DCX: variants seen among roughly 807,000 people sequenced by gnomAD.
The protein encoded by DCX is neuronal migration protein doublecortin.
A neutral mutation model predicts 20.9 loss-of-function variants in DCX; 4 were observed. The ratio of observed to expected loss-of-function variants is 0.19; its 90% CI spans 0.09 to 0.44. The LOEUF is 0.44. Ranked by LOEUF, DCX falls within the 20% of genes least tolerant of loss-of-function variation. The pLI, the probability that DCX is intolerant of heterozygous loss-of-function variation, is 0.99. For synonymous variants in DCX, 103 were observed against 111.4 expected (o/e 0.92, Z 0.47); for missense variants, 133 against 296.9 (o/e 0.45, Z 4.06).
intron 3 of DCX, among the ~76,000 whole-genome samples, chrX:111,393,231 A>G: frequency 9.0e-6 from 1 of 111,492 alleles, no homozygotes; most frequent in East Asian, 2.8e-4. Context: ...AAACTGTCTT[A>G]TCTTTTCTTT....
chrX:111,351,265 T>C (rs1239238433), intron 3 of DCX, among the ~76,000 whole-genome samples: 1 of 112,125 alleles, frequency 8.9e-6, no homozygotes, highest in East Asian at 2.8e-4. Context: ...AGATTCCCTA[T>C]CCTGTCTCCC....
intron 3 of DCX, among the ~76,000 whole-genome samples, chrX:111,341,463 C>G (rs1359165119): frequency 1.8e-5 from 2 of 111,245 alleles, no homozygotes; most frequent in Non-Finnish European, 3.8e-5. Flanking sequence ...AGGGTATTAT[C>G]CAGGAGAACT....
intron 6 of DCX, among the ~76,000 whole-genome samples, chrX:111,310,360 T>TA (rs2095054897): frequency 9.1e-6 from 1 of 110,372 alleles, no homozygotes; most frequent in Non-Finnish European, 1.9e-5. Flanking sequence ...ATAAATAAAA[T>TA]AAATAAAAGA....
chrX:111,316,092 A>ATAAATAAATT (rs1556369834), intron 5 of DCX, among the ~76,000 whole-genome samples: 17 of 96,355 alleles, frequency 1.8e-4, no homozygotes, highest in African/African-American at 7.1e-4. Context: ...AAAATAAAAA[A>ATAAATAAATT]AAAAAAAAAA....
chrX:111,398,370 C>A (rs1279664736), intron 3 of DCX, among the ~76,000 whole-genome samples: 1 of 109,444 alleles, frequency 9.1e-6, no homozygotes, highest in East Asian at 2.9e-4. Flanking sequence ...GTTTGGATTG[C>A]TTTTACCCTC....
At chrX:111,309,416 A>G (rs2095052628) in intron 6 of DCX, among the ~76,000 whole-genome samples, 1 of 112,177 alleles carries the variant, frequency 8.9e-6, no homozygotes, top group South Asian at 3.7e-4. Context: ...CTGCCCAGAG[A>G]CTTGATGGTG....
intron 3 of DCX, among the ~76,000 whole-genome samples, chrX:111,348,233 A>G (rs116778565): frequency 0.06 from 6,731 of 111,960 alleles, 504 homozygotes; most frequent in African/African-American, 0.21. Flanking sequence ...GGGGAGACCC[A>G]GGTAAGGAAA....
At chrX:111,388,706 G>A (rs1018764423) in intron 3 of DCX, among the ~76,000 whole-genome samples, 2 of 112,034 alleles carry the variant, frequency 1.8e-5, no homozygotes, top group Non-Finnish European at 3.8e-5. Flanking sequence ...TGAGAAATGT[G>A]CTCTAAATTG....
chrX:111,387,724 A>G (rs939041813), intron 3 of DCX, among the ~76,000 whole-genome samples: 4 of 111,875 alleles, frequency 3.6e-5, no homozygotes, highest in Non-Finnish European at 5.6e-5. Context: ...ATACGACTTC[A>G]TCAGATGAGA....
chrX:111,338,152 A>T (rs1233947473), intron 3 of DCX, among the ~76,000 whole-genome samples: 1 of 112,194 alleles, frequency 8.9e-6, no homozygotes, highest in Non-Finnish European at 1.9e-5. Flanking sequence ...GACTACAGTA[A>T]GGCATTCTGA....
At chrX:111,342,706 A>C (rs1316838356) in intron 3 of DCX, among the ~76,000 whole-genome samples, 1 of 110,119 alleles carries the variant, frequency 9.1e-6, no homozygotes, top group East Asian at 2.9e-4. Context: ...CTGAAATCCT[A>C]ACAAACGGTC....
intron 3 of DCX, among the ~76,000 whole-genome samples, chrX:111,347,306 G>T (rs1404841292): frequency 3.6e-5 from 4 of 111,095 alleles, no homozygotes; most frequent in Non-Finnish European, 7.6e-5. Context: ...TGATCTTTTT[G>T]TTTTCTGATT....
intron 3 of DCX, among the ~76,000 whole-genome samples, chrX:111,378,177 T>C (rs1199961750): frequency 8.9e-6 from 1 of 112,070 alleles, no homozygotes; most frequent in South Asian, 3.7e-4. Context: ...ATAAAAGGTT[T>C]AATGTAATTG....
At chrX:111,404,887 G>C (rs888220247) in intron 2 of DCX, among the ~76,000 whole-genome samples, 2 of 112,363 alleles carry the variant, frequency 1.8e-5, no homozygotes, top group Non-Finnish European at 3.8e-5. Context: ...CCTGCTGCCT[G>C]GCACTTGGAG....
chrX:111,402,782 G>GGTGTGT (rs200058275), intron 2 of DCX, among the ~76,000 whole-genome samples: 2 of 96,844 alleles, frequency 2.1e-5, no homozygotes, highest in African/African-American at 7.8e-5. Context: ...GTGTGTGCGT[G>GGTGTGT]GTGTGTGTGT....
rs187799956 is a variant in DCX at position 111,308,896 on chromosome X, T to C, written c.1044+3743A>G. 3.6e-3 allele frequency among the ~76,000 whole-genome samples: 388 copies of C among 109,011 alleles called. 3 individuals carry two copies. Among genetic ancestry groups the C allele is most frequent in the African/African-American group, 0.012 (370 of 29,908 alleles). 94.7% of individuals were successfully genotyped at this position (109,011 alleles called of 115,157 possible). ...TTTTTTTTTGAAAATCTTTACTATG[T>C]ACTTTCTTCAAAGGGGATCCTTAAT... On this transcript the variant is annotated intron_variant, in intron 6 of 6. Coordinates refer to ENST00000636035, the MANE Select transcript of DCX (RefSeq NM_001195553.2).
intron 3 of DCX, among the ~76,000 whole-genome samples, chrX:111,379,906 G>A (rs1925838590): frequency 1.8e-5 from 2 of 111,280 alleles, no homozygotes; most frequent in Admixed American, 9.6e-5. Context: ...AGGGTGTAAA[G>A]TGGTATCTCA....
chrX:111,367,110 G>T (rs1009210347), intron 3 of DCX, among the ~76,000 whole-genome samples: 32 of 111,798 alleles, frequency 2.9e-4, no homozygotes, highest in African/African-American at 1.0e-3. Flanking sequence ...TTCTCATCTG[G>T]TCCAGGTTTC....
Position 111,296,093 on chromosome X carries a change from A to T in DCX, c.*5594T>A, listed in dbSNP as rs1218671755. On this transcript the variant is annotated 3_prime_UTR_variant, in exon 7 of 7. Coordinates refer to ENST00000636035, the MANE Select transcript of DCX (RefSeq NM_001195553.2). Reference sequence around the variant, plus strand: ...CAGAATTGCACAGGAGAAAGGATGGATGTTTGTACTGTGGAAAGAGAGACT... The same window carrying T: ...CAGAATTGCACAGGAGAAAGGATGGTTGTTTGTACTGTGGAAAGAGAGACT... 1 of 112,204 alleles carries T rather than the reference A, an allele frequency of 8.9e-6. No individual in the cohort carries two copies. The highest frequency in any genetic ancestry group is 3.2e-5 in the African/African-American group (1 of 30,827). The allele number at this position is 112,204 out of a possible 1,213,427, so 9.2% of individuals were successfully genotyped here. A position where few individuals can be genotyped will look rare whatever the true frequency, so the allele number is the denominator to read the frequency against.
Sources: gnomAD v4.1 joint callset for allele counts (sites outside exome capture counted in the v4.1 genomes callset) on GRCh38, gnomAD v4.1.1 for gene constraint, MANE v1.5 for transcripts, NCBI Gene and HGNC (gene_info 2026-07-23, HGNC 2026-07-21) for gene names.